The following PCMTD1 variants were observed in gnomAD, a reference collection of about 807,000 sequenced individuals.
PCMTD1 encodes the protein protein-L-isoaspartate O-methyltransferase domain-containing protein 1.
In PCMTD1, 12 loss-of-function variants were observed where a neutral mutation model predicts 37.6. That is an observed-to-expected ratio of 0.32 (90% CI 0.20 to 0.52). The LOEUF is 0.52. Ranked by LOEUF, PCMTD1 falls within the 20% of genes least tolerant of loss-of-function variation. The probability of loss-of-function intolerance (pLI) is 0.97; values close to 1 mark genes in which losing one functional copy is unlikely to be tolerated. For synonymous variants in PCMTD1, 117 were observed against 135.8 expected, an observed-to-expected ratio of 0.86 and a Z score of 0.96; for missense variants, 235 against 421.3, an observed-to-expected ratio of 0.56 and a Z score of 3.87.
chr8:51,876,525 G>C (rs1403169738), intron 1 of PCMTD1, among the ~76,000 whole-genome samples: 1 of 152,164 alleles, frequency 6.6e-6, no homozygotes, highest in Non-Finnish European at 1.5e-5. Context: ...CCAGAGCTGG[G>C]TTTCTAAATA....
intron 5 of PCMTD1, 41 bp from the exon 6 acceptor site, chr8:51,820,759 A>T (rs1003395655): frequency 6.7e-7 from 1 of 1,489,268 alleles, no homozygotes; most frequent in African/African-American, 1.4e-5. Flanking sequence ...AATATTAACA[A>T]TAAAACATTA....
chr8:51,858,793 G>A (rs1048896020), intron 2 of PCMTD1, among the ~76,000 whole-genome samples: 1 of 152,166 alleles, frequency 6.6e-6, no homozygotes, highest in East Asian at 1.9e-4. Context: ...AGGAGCCACT[G>A]CCATATATGT....
At chr8:51,830,578 G>A (rs762939074) in intron 5 of PCMTD1, among the ~76,000 whole-genome samples, 6 of 152,250 alleles carry the variant, frequency 3.9e-5, no homozygotes, top group Middle Eastern at 3.4e-3. Context: ...TCCTGTGGGT[G>A]TAAGAAAAGC....
intron 1 of PCMTD1, among the ~76,000 whole-genome samples, chr8:51,862,061 T>C (rs947890443): frequency 6.6e-6 from 1 of 151,616 alleles, no homozygotes; most frequent in Admixed American, 6.5e-5. Flanking sequence ...TAGTACAGTA[T>C]AGTATAGTAT....
chr8:51,898,800 T>C (rs1585871593), intron 1 of PCMTD1, 130 bp downstream of exon 1: 1 of 673,162 alleles, frequency 1.5e-6, no homozygotes, highest in Non-Finnish European at 1.8e-6. Flanking sequence ...TAAGTCCCCC[T>C]GCCCCCGACT....
intron 1 of PCMTD1, among the ~76,000 whole-genome samples, chr8:51,874,331 C>T (rs2038682492): frequency 6.6e-6 from 1 of 152,072 alleles, no homozygotes; most frequent in African/African-American, 2.4e-5. Flanking sequence ...CCCACCACCC[C>T]ACCCATCCCC....
At chr8:51,896,728 T>C (rs1394004944) in intron 1 of PCMTD1, among the ~76,000 whole-genome samples, 1 of 152,208 alleles carries the variant, frequency 6.6e-6, no homozygotes, top group Non-Finnish European at 1.5e-5. Context: ...TTTAAATGCA[T>C]GTGATTACAT....
At chr8:51,864,186 T>C (rs944875672) in intron 1 of PCMTD1, among the ~76,000 whole-genome samples, 9 of 152,178 alleles carry the variant, frequency 5.9e-5, no homozygotes, top group African/African-American at 2.2e-4. Context: ...AGGCCATTAT[T>C]TTATGTCCTG....
intron 3 of PCMTD1, among the ~76,000 whole-genome samples, chr8:51,837,501 A>G (rs2038084675): frequency 6.6e-6 from 1 of 152,202 alleles, no homozygotes; most frequent in African/African-American, 2.4e-5. Flanking sequence ...CAAACACACT[A>G]CAAAGAAAAC....
intron 2 of PCMTD1, among the ~76,000 whole-genome samples, chr8:51,846,729 AC>A (rs1245241166): frequency 1.3e-5 from 2 of 151,278 alleles, no homozygotes; most frequent in African/African-American, 2.4e-5. Flanking sequence ...ACCATTAGGT[AC>A]TTTTAACCAA....
chr8:51,887,078 C>T (rs1266184193), intron 1 of PCMTD1, among the ~76,000 whole-genome samples: 1 of 152,044 alleles, frequency 6.6e-6, no homozygotes, highest in Non-Finnish European at 1.5e-5. Context: ...CCTCCTCCTT[C>T]CATTTTTAAG....
intron 1 of PCMTD1, among the ~76,000 whole-genome samples, 200 bp downstream of exon 1, chr8:51,898,730 G>A (rs1211327694): frequency 2.7e-5 from 3 of 112,042 alleles, no homozygotes; most frequent in African/African-American, 1.0e-4. Flanking sequence ...CCCCCGGCCC[G>A]TCCTTCCCCC....
chr8:51,832,581 G>A lies in PCMTD1; in HGVS notation c.582+937C>T, dbSNP rs146862911. 4.2e-3 allele frequency among the ~76,000 whole-genome samples: 632 copies of A among 152,266 alleles called. 6 individuals carry two copies. Among genetic ancestry groups the A allele is most frequent in the African/African-American group, 0.014 (602 of 41,564 alleles). ...GTAAACATTTCAGATTTCAGTTAAC[G>A]TGAATATTGGAGATATTTTTTAAAT... On this transcript the variant is annotated intron_variant, in intron 4 of 5. Transcript: ENST00000522514.
At chr8:51,866,699 G>C (rs2038560438) in intron 1 of PCMTD1, among the ~76,000 whole-genome samples, 1 of 151,884 alleles carries the variant, frequency 6.6e-6, no homozygotes, top group Admixed American at 6.6e-5. Flanking sequence ...TAGGGGAAAT[G>C]CTCCATTACA....
At chr8:51,858,086 A>C (rs2038417335) in intron 2 of PCMTD1, among the ~76,000 whole-genome samples, 1 of 152,236 alleles carries the variant, frequency 6.6e-6, no homozygotes, top group South Asian at 2.1e-4. Context: ...TTCTGGAGTG[A>C]AGTGGAAATT....
intron 2 of PCMTD1, 108 bp downstream of exon 2, chr8:51,860,737 T>C (rs1210002662): frequency 1.1e-6 from 1 of 917,744 alleles, no homozygotes; most frequent in African/African-American, 1.7e-5. Context: ...CTACACTGTG[T>C]ATACACATTC....
At chr8:51,883,040 G>C (rs981562243) in intron 1 of PCMTD1, among the ~76,000 whole-genome samples, 1 of 151,700 alleles carries the variant, frequency 6.6e-6, no homozygotes, top group Admixed American at 6.6e-5. Context: ...AGGAAGCTGA[G>C]GCGGGAGAAT....
chr8:51,868,929 T>A (rs1322611456), intron 1 of PCMTD1, among the ~76,000 whole-genome samples: 1 of 152,204 alleles, frequency 6.6e-6, no homozygotes, highest in Non-Finnish European at 1.5e-5. Context: ...TTCGTTTTTT[T>A]AAACATATGA....
intron 2 of PCMTD1, among the ~76,000 whole-genome samples, chr8:51,856,217 A>G (rs2038386138): frequency 6.6e-6 from 1 of 152,204 alleles, no homozygotes; most frequent in Non-Finnish European, 1.5e-5. Flanking sequence ...TTGACTAGTC[A>G]TGTCACCAAA....
Sources: allele counts gnomAD v4.1 joint callset (sites outside exome capture counted in the v4.1 genomes callset), GRCh38; gene constraint gnomAD v4.1.1; transcripts MANE v1.5; gene names NCBI Gene and HGNC (gene_info 2026-07-23, HGNC 2026-07-21).